Variants in CTNNA2 observed in about 807,000 individuals in gnomAD.
CTNNA2 encodes the protein catenin alpha 2, also known as catenin alpha-2.
A neutral mutation model predicts 101.0 loss-of-function variants in CTNNA2; 42 were observed. The ratio of observed to expected loss-of-function variants is 0.42; its 90% CI spans 0.32 to 0.54. The LOEUF (loss-of-function observed/expected upper bound fraction) is 0.54. Among genes scored for constraint, CTNNA2 ranks in the 20% least tolerant of loss-of-function variants. The probability of loss-of-function intolerance (pLI) is 0.14; values close to 1 mark genes in which losing one functional copy is unlikely to be tolerated. For synonymous variants in CTNNA2, 450 were observed against 456.4 expected (o/e 0.99, Z 0.18); for missense variants, 871 against 1,223.1 (o/e 0.71, Z 4.29).
chr2:79,241,914 CTTTTT>C (rs532036622), intron 2 of CTNNA2, among the ~76,000 whole-genome samples: 1 of 117,018 alleles, frequency 8.5e-6, no homozygotes, highest in East Asian at 2.5e-4. Flanking sequence ...CTTTTCTTTT[CTTTTT>C]TTTTGAGACA....
intron 7 of CTNNA2, among the ~76,000 whole-genome samples, chr2:80,293,465 G>A (rs544469498): frequency 6.6e-6 from 1 of 152,176 alleles, no homozygotes; most frequent in Admixed American, 6.5e-5. Context: ...TATGACAGAA[G>A]ATCCAATCTT....
chr2:80,615,739 A>C (rs1558646473), intron 17 of CTNNA2, among the ~76,000 whole-genome samples: 1 of 151,600 alleles, frequency 6.6e-6, no homozygotes, highest in Non-Finnish European at 1.5e-5. Context: ...TTCCAGCCTA[A>C]GTTAAATCAT....
At chr2:79,979,924 A>G (rs1691137150) in intron 7 of CTNNA2, among the ~76,000 whole-genome samples, 1 of 152,176 alleles carries the variant, frequency 6.6e-6, no homozygotes, top group Non-Finnish European at 1.5e-5. Context: ...GTACTGAGAC[A>G]TTGAAGCAGA....
intron 9 of CTNNA2, among the ~76,000 whole-genome samples, chr2:80,505,287 C>G (rs1045927233): frequency 1.3e-5 from 2 of 152,162 alleles, no homozygotes; most frequent in African/African-American, 2.4e-5. Flanking sequence ...CGTAAAGCTC[C>G]CACCCCAGGG....
At chr2:79,246,081 T>C (rs1201016022) in intron 2 of CTNNA2, among the ~76,000 whole-genome samples, 1 of 152,238 alleles carries the variant, frequency 6.6e-6, no homozygotes, top group East Asian at 1.9e-4. Flanking sequence ...CTTTAATTTC[T>C]CTGGAAGTGG....
At chr2:80,619,463 T>C (rs1347806195) in intron 18 of CTNNA2, among the ~76,000 whole-genome samples, 1 of 151,950 alleles carries the variant, frequency 6.6e-6, no homozygotes, top group East Asian at 1.9e-4. Context: ...TATTTCTTTA[T>C]TTCTCAGTCT....
chr2:79,320,221 A>G (rs1229501368), intron 3 of CTNNA2, among the ~76,000 whole-genome samples: 1 of 151,036 alleles, frequency 6.6e-6, no homozygotes, highest in Non-Finnish European at 1.5e-5. Context: ...TTTGCGGAGC[A>G]CACAGCAGAC....
intron 6 of CTNNA2, among the ~76,000 whole-genome samples, chr2:79,906,304 A>G (rs2104304709): frequency 6.6e-6 from 1 of 151,986 alleles, no homozygotes; most frequent in African/African-American, 2.4e-5. Flanking sequence ...ACACACACAC[A>G]CACACACAGA....
chr2:79,846,566 T>C (rs1419393395), intron 3 of CTNNA2, among the ~76,000 whole-genome samples: 1 of 152,210 alleles, frequency 6.6e-6, no homozygotes, highest in Admixed American at 6.5e-5. Flanking sequence ...TTCAACTATA[T>C]GGACTAACTT....
intron 7 of CTNNA2, among the ~76,000 whole-genome samples, chr2:80,219,844 A>C (rs1056248476): frequency 3.3e-5 from 5 of 152,222 alleles, no homozygotes; most frequent in Admixed American, 2.0e-4. Flanking sequence ...TCCATTTAAC[A>C]TAAACACATC....
At chr2:79,381,621 C>A (rs1020830026) in intron 4 of CTNNA2, among the ~76,000 whole-genome samples, 2 of 152,206 alleles carry the variant, frequency 1.3e-5, no homozygotes, top group African/African-American at 4.8e-5. Flanking sequence ...ACTTTGCAGA[C>A]ATCTTGTAAA....
chr2:80,280,512 C>T (rs1674293355), intron 7 of CTNNA2, among the ~76,000 whole-genome samples: 1 of 151,758 alleles, frequency 6.6e-6, no homozygotes, highest in Non-Finnish European at 1.5e-5. Flanking sequence ...GGTGGGATGG[C>T]TAACCTTGGA....
chr2:80,127,546 C>T (rs182342357), intron 7 of CTNNA2, among the ~76,000 whole-genome samples: 114 of 152,260 alleles, frequency 7.5e-4, no homozygotes, highest in South Asian at 2.5e-3. Flanking sequence ...TGTATGGACA[C>T]GCACAGTTAT....
intron 2 of CTNNA2, among the ~76,000 whole-genome samples, chr2:79,209,646 T>C (rs1000500673): frequency 1.4e-5 from 2 of 148,000 alleles, no homozygotes; most frequent in Admixed American, 1.4e-4. Context: ...TACTTTCCTG[T>C]GTTTGTAGTT....
intron 7 of CTNNA2, among the ~76,000 whole-genome samples, chr2:80,324,425 C>T (rs1005346109): frequency 3.3e-5 from 5 of 152,124 alleles, no homozygotes; most frequent in African/African-American, 1.2e-4. Context: ...TCATCATGAC[C>T]TCTGATCGTC....
chr2:80,429,175 A>G (rs896212531), intron 9 of CTNNA2, among the ~76,000 whole-genome samples: 4 of 152,200 alleles, frequency 2.6e-5, no homozygotes, highest in Non-Finnish European at 4.4e-5. Context: ...AAGGTTTTCT[A>G]TAATACACAA....
chr2:79,360,443 G>T (rs1340856716), intron 3 of CTNNA2, among the ~76,000 whole-genome samples: 2 of 152,206 alleles, frequency 1.3e-5, no homozygotes, highest in African/African-American at 4.8e-5. Flanking sequence ...ATGTGGATGA[G>T]AAGCAGTAAT....
intron 1 of CTNNA2, among the ~76,000 whole-genome samples, chr2:79,618,324 C>G (rs1173317680): frequency 6.6e-6 from 1 of 152,006 alleles, no homozygotes; most frequent in Non-Finnish European, 1.5e-5. Context: ...TCTTCTTTTC[C>G]TTTTTCATCC....
At chr2:80,425,648 T>C (rs1041538011) in intron 9 of CTNNA2, among the ~76,000 whole-genome samples, 6 of 152,206 alleles carry the variant, frequency 3.9e-5, no homozygotes, top group South Asian at 2.1e-4. Flanking sequence ...ATGGTTTTAG[T>C]CCTTCAACAT....
Sources: gnomAD v4.1 joint callset for allele counts (sites outside exome capture counted in the v4.1 genomes callset) on GRCh38, gnomAD v4.1.1 for gene constraint, MANE v1.5 for transcripts, NCBI Gene and HGNC (gene_info 2026-07-23, HGNC 2026-07-21) for gene names.